Variants in ETFDH observed in about 807,000 individuals in gnomAD.
The protein encoded by ETFDH is electron transfer flavoprotein dehydrogenase.
A neutral mutation model predicts 73.2 loss-of-function variants in ETFDH; 61 were observed. That is an observed-to-expected ratio of 0.83 (90% CI 0.68 to 1.03). The LOEUF is 1.03. ETFDH is among the 50% of genes least tolerant of loss of function. The pLI is 0.00. For missense variants in ETFDH, 685 were observed against 745.0 expected (o/e 0.92, Z 0.94); for synonymous variants, 243 against 253.3 (o/e 0.96, Z 0.39).
rs11934134 is a variant in ETFDH, at chr4:158,708,929, G to T, written c.*402G>T. ...CTAATTTTGAATTACAACTGTGCAGGTGAGTGGGTGTGACATTACATGGTC... is the reference window on the plus strand; with the variant it reads ...CTAATTTTGAATTACAACTGTGCAGTTGAGTGGGTGTGACATTACATGGTC... On this transcript the variant is annotated 3_prime_UTR_variant, in exon 13 of 13. Coordinates refer to ENST00000511912, the MANE Select transcript of ETFDH (RefSeq NM_004453.4). 2,118 of 214,132 alleles carry T rather than the reference G, an allele frequency of 9.9e-3. 51 individuals carry two copies. Among genetic ancestry groups the T allele is most frequent in the African/African-American group, 0.044 (1,875 of 42,398 alleles). The allele number at this position is 214,132 out of a possible 1,614,324, so 13.3% of individuals were successfully genotyped here. A position where few individuals can be genotyped will look rare whatever the true frequency, so the allele number is the denominator to read the frequency against.
intron 5 of ETFDH, among the ~76,000 whole-genome samples, chr4:158,688,500 T>C (rs145074573): frequency 0.012 from 1,744 of 150,504 alleles, 26 homozygotes; most frequent in African/African-American, 0.038. Context: ...GGGGAAACCC[T>C]GTCTCTACTA....
chr4:158,697,429 T>G, intron 7 of ETFDH, 130 bp from the exon 8 acceptor site: 1 of 789,186 alleles, frequency 1.3e-6, no homozygotes, highest in Non-Finnish European at 2.1e-6. Flanking sequence ...GTTGTATTCT[T>G]ATATCACAGT....
chr4:158,694,405 C>T (rs914488535), intron 6 of ETFDH, among the ~76,000 whole-genome samples: 1 of 151,840 alleles, frequency 6.6e-6, no homozygotes, highest in East Asian at 1.9e-4. Context: ...CCAGCCTGGC[C>T]AACATGGTGA....
rs1774711808 is a variant in ETFDH at position 158,708,666 on chromosome 4, T to C, written c.*139T>C. 1.4e-6 allele frequency: 1 copy of C among 708,078 alleles called. No homozygotes were observed. The highest frequency in any genetic ancestry group is 2.7e-5 in the East Asian group (1 of 36,468). The allele number at this position is 708,078 out of a possible 1,614,324, so 43.9% of individuals were successfully genotyped here. Reference sequence around the variant, plus strand: ...ATTATCAAATAAAAATTTTATACTATATGTAAGATTGTCCCATAAAGAAAT... The same window carrying C: ...ATTATCAAATAAAAATTTTATACTACATGTAAGATTGTCCCATAAAGAAAT... On this transcript the variant is annotated 3_prime_UTR_variant, in exon 13 of 13. Transcript: ENST00000511912.
chr4:158,700,477 A>G (rs557925811), intron 9 of ETFDH, among the ~76,000 whole-genome samples: 3 of 152,146 alleles, frequency 2.0e-5, no homozygotes, highest in South Asian at 2.1e-4. Context: ...ATTGAAAACC[A>G]TCTACCTTGT....
At chr4:158,698,846 G>T in intron 8 of ETFDH, 141 bp from the exon 9 acceptor site, 5 of 593,486 alleles carry the variant, frequency 8.4e-6, no homozygotes, top group Admixed American at 3.2e-5. Flanking sequence ...ATTTACATTT[G>T]GATTACTGCA....
chr4:158,693,288 A>C (rs991612976), intron 6 of ETFDH, among the ~76,000 whole-genome samples: 2 of 152,028 alleles, frequency 1.3e-5, no homozygotes, highest in African/African-American at 4.8e-5. Flanking sequence ...CACTTTTTTG[A>C]CTTGGCTCTC....
intron 1 of ETFDH, 90 bp downstream of exon 1, chr4:158,672,580 TTC>T: frequency 4.6e-6 from 6 of 1,295,028 alleles, no homozygotes; most frequent in Non-Finnish European, 6.7e-6. Flanking sequence ...CTCTCGCCCC[TTC>T]TCTCATCAGC....
chr4:158,684,937 A>T (rs1224979199), intron 4 of ETFDH, among the ~76,000 whole-genome samples, 164 bp from the exon 5 acceptor site: 1 of 152,244 alleles, frequency 6.6e-6, no homozygotes, highest in East Asian at 1.9e-4. Context: ...TAATGTAATA[A>T]ATTAGAACTC....
chr4:158,677,582 A>G (rs1033713627), intron 1 of ETFDH, among the ~76,000 whole-genome samples: 16 of 152,340 alleles, frequency 1.1e-4, no homozygotes, highest in African/African-American at 3.6e-4. Context: ...TCCAAAAATT[A>G]TGTCCAAGAA....
intron 10 of ETFDH, among the ~76,000 whole-genome samples, chr4:158,705,250 T>G (rs1774576515): frequency 6.6e-6 from 1 of 152,170 alleles, no homozygotes; most frequent in Non-Finnish European, 1.5e-5. Flanking sequence ...CAAGCTGGAG[T>G]GCAGTGCTGC....
intron 9 of ETFDH, chr4:158,700,863 ATCCT>A (rs1774445470): frequency 6.6e-6 from 1 of 152,194 alleles, no homozygotes; most frequent in Non-Finnish European, 1.5e-5. Flanking sequence ...TGATTGTTTT[ATCCT>A]TCCTTAGGAA....
intron 1 of ETFDH, among the ~76,000 whole-genome samples, chr4:158,673,463 T>C (rs2150301173): frequency 6.6e-6 from 1 of 152,366 alleles, no homozygotes; most frequent in African/African-American, 2.4e-5. Flanking sequence ...GGATCTCATA[T>C]TCTGTCATAA....
chr4:158,690,394 A>C lies in ETFDH; in HGVS notation c.653A>C (p.Asp218Ala). Residue 218 changes from aspartate (D) to alanine (A), a missense_variant, in exon 6 of 13, where the codon GAT becomes GCT. By Grantham distance (126) the Asp-to-Ala change is moderately radical. Transcript: ENST00000511912. The stretch of plus-strand genomic sequence containing the variant: ...AGTGTAAAAGGAATTGCCACTAACG[A>C]TGTAGGGATACAAAAGGATGGTGCA... ...DGSVKGIATNDVGIQKDGAPK... is the reference protein window; with the variant it reads ...DGSVKGIATNAVGIQKDGAPK... 3 of 1,604,040 alleles carry C rather than the reference A, an allele frequency of 1.9e-6. No homozygotes were observed. Among genetic ancestry groups the C allele is most frequent in the Non-Finnish European group, 2.6e-6 (3 of 1,170,762 alleles).
intron 1 of ETFDH, 40 bp downstream of exon 1, chr4:158,672,530 G>A (rs1234060191): frequency 6.2e-7 from 1 of 1,606,410 alleles, no homozygotes; most frequent in East Asian, 2.2e-5. Flanking sequence ...GGAGGAGTTA[G>A]GGCAAAAGGG....
At position 158,682,320 on chromosome 4, in the gene ETFDH, T is replaced by C. The variant is rs1275918447; in HGVS notation, c.301T>C (p.Cys101Arg). The C allele has an allele frequency of 1.2e-6, 2 of 1,614,126 alleles. No individual in the cohort carries two copies. The highest frequency in any genetic ancestry group is 1.7e-6 in the Non-Finnish European group (2 of 1,180,012). Residue 101 changes from cysteine to arginine, a missense_variant, in exon 3 of 13, where the codon TGT (cysteine) becomes CGT (arginine). Physicochemically the swap from Cys to Arg is radical, Grantham distance 180. Transcript: ENST00000511912. ...GGCACATGAAAAGGACATCCGTGTG[T>C]GTCTAGTGGAGAAAGCTGCCCAGAT... ...AVAHEKDIRV[C>R]LVEKAAQIGA...
intron 1 of ETFDH, among the ~76,000 whole-genome samples, chr4:158,678,413 A>G (rs946749616): frequency 6.6e-6 from 1 of 152,204 alleles, no homozygotes; most frequent in Non-Finnish European, 1.5e-5. Flanking sequence ...GGGGATAAAT[A>G]CCACAGAGAT....
At chr4:158,676,045 T>C (rs1773704103) in intron 1 of ETFDH, among the ~76,000 whole-genome samples, 1 of 152,194 alleles carries the variant, frequency 6.6e-6, no homozygotes. Context: ...ACAGAGCCAA[T>C]TTATCAAAAC....
At chr4:158,692,781 T>C (rs1271965480) in intron 6 of ETFDH, among the ~76,000 whole-genome samples, 1 of 148,854 alleles carries the variant, frequency 6.7e-6, no homozygotes, top group Non-Finnish European at 1.5e-5. Flanking sequence ...TATGGGCTTA[T>C]TTCAGGTGGC....
Sources: allele counts gnomAD v4.1 joint callset (sites outside exome capture counted in the v4.1 genomes callset), GRCh38; gene constraint gnomAD v4.1.1; transcripts MANE v1.5; gene names NCBI Gene and HGNC (gene_info 2026-07-23, HGNC 2026-07-21).